Variants in LRFN5 observed in about 807,000 individuals in gnomAD.
LRFN5 encodes leucine-rich repeat and fibronectin type-III domain-containing protein 5.
In LRFN5, 24 loss-of-function variants were observed where a neutral mutation model predicts 45.6. That is an observed-to-expected ratio of 0.53 (90% CI 0.38 to 0.74). The LOEUF (loss-of-function observed/expected upper bound fraction) is 0.74, where lower values mean the gene tolerates loss of function less well. LRFN5 is among the 30% of genes least tolerant of loss of function. The probability of loss-of-function intolerance (pLI) is 0.00; values close to 1 mark genes in which losing one functional copy is unlikely to be tolerated. For synonymous variants in LRFN5, 340 were observed against 313.8 expected (o/e 1.08, Z -0.88); for missense variants, 776 against 861.5 (o/e 0.90, Z 1.24).
At position 41,611,697 on chromosome 14, in the gene LRFN5, G is replaced by A. The variant is rs151260183; in HGVS notation, c.-197+3135G>A. ...ACCAGCCTTCTGTTCTTTCACATACGTCTCTCCTTCCCTCATAGATCTAAT... is the reference window on the plus strand; with the variant it reads ...ACCAGCCTTCTGTTCTTTCACATACATCTCTCCTTCCCTCATAGATCTAAT... On this transcript the variant is annotated intron_variant, in intron 1 of 5. Transcript: ENST00000298119. Among the ~76,000 whole-genome samples, 296 of 151,458 alleles carry A rather than the reference G, an allele frequency of 2.0e-3. 1 individual carries two copies. Among genetic ancestry groups the A allele is most frequent in the African/African-American group, 6.5e-3 (267 of 40,878 alleles).
chr14:41,849,743 G>C (rs1889200652), intron 2 of LRFN5, among the ~76,000 whole-genome samples: 1 of 151,902 alleles, frequency 6.6e-6, no homozygotes, highest in Admixed American at 6.6e-5. Flanking sequence ...GGCTCAAAGG[G>C]AAGTAATGTT....
At position 41,823,619 on chromosome 14, in the gene LRFN5, T is replaced by G. The variant is rs540736952; in HGVS notation, c.-21+56590T>G. Reference sequence around the variant, plus strand: ...TTAGAAAGCCTGATGACTATGTGCCTTGGTGAAGTTTGTCTTGCAATGTAT... The same window carrying G: ...TTAGAAAGCCTGATGACTATGTGCCGTGGTGAAGTTTGTCTTGCAATGTAT... On this transcript the variant is annotated intron_variant, in intron 2 of 5. Transcript: ENST00000298119. 2.0e-5 allele frequency among the ~76,000 whole-genome samples: 3 copies of G among 152,246 alleles called. No homozygotes were observed. In the South Asian group the frequency reaches 6.2e-4, roughly 32 times the overall value.
At chr14:41,661,445 G>T (rs1880649537) in intron 1 of LRFN5, among the ~76,000 whole-genome samples, 1 of 151,942 alleles carries the variant, frequency 6.6e-6, no homozygotes, top group Non-Finnish European at 1.5e-5. Context: ...GAATGTAAGT[G>T]GTTCAAGGCC....
At chr14:41,813,637 G>C (rs1887814534) in intron 2 of LRFN5, among the ~76,000 whole-genome samples, 1 of 152,062 alleles carries the variant, frequency 6.6e-6, no homozygotes, top group Non-Finnish European at 1.5e-5. Context: ...ATTGTGAATA[G>C]TGCCACAATA....
At chr14:41,701,873 C>G (rs1417684235) in intron 1 of LRFN5, among the ~76,000 whole-genome samples, 1 of 152,118 alleles carries the variant, frequency 6.6e-6, no homozygotes, top group Non-Finnish European at 1.5e-5. Flanking sequence ...ACCTAGAAGC[C>G]TTTCAGAAAA....
At chr14:41,657,675 G>A (rs1880443506) in intron 1 of LRFN5, among the ~76,000 whole-genome samples, 1 of 151,908 alleles carries the variant, frequency 6.6e-6, no homozygotes, top group Non-Finnish European at 1.5e-5. Context: ...AGACACCTTT[G>A]TGATGATATA....
intron 1 of LRFN5, among the ~76,000 whole-genome samples, chr14:41,712,529 T>G (rs2138749855): frequency 6.6e-6 from 1 of 152,316 alleles, no homozygotes; most frequent in East Asian, 1.9e-4. Flanking sequence ...GATAATAGGT[T>G]TTGTTATATA....
At chr14:41,833,636 T>A (rs759388169) in intron 2 of LRFN5, among the ~76,000 whole-genome samples, 2 of 152,252 alleles carry the variant, frequency 1.3e-5, no homozygotes, top group Non-Finnish European at 2.9e-5. Flanking sequence ...TATTCATATT[T>A]GTGCAAAGAA....
In LRFN5 at chr14:41,606,925, C is replaced by T. The variant is rs1161262333; in HGVS notation, c.-1834C>T. Among the ~76,000 whole-genome samples, 1 of 151,956 alleles carries T rather than the reference C, an allele frequency of 6.6e-6. No homozygotes were observed. Among genetic ancestry groups the T allele is most frequent in the East Asian group, 1.9e-4 (1 of 5,154 alleles). On this transcript the variant is annotated 5_prime_UTR_variant, in exon 1 of 6. Transcript: ENST00000298119. ...CAGCGCAGGGCTCAGTTCCACGCGGCCAGGAGGCCGCCGTTGCCCACACGC... is the reference window on the plus strand; with the variant it reads ...CAGCGCAGGGCTCAGTTCCACGCGGTCAGGAGGCCGCCGTTGCCCACACGC...
At chr14:41,735,834 T>G (rs1594658757) in intron 1 of LRFN5, among the ~76,000 whole-genome samples, 1 of 152,028 alleles carries the variant, frequency 6.6e-6, no homozygotes, top group Non-Finnish European at 1.5e-5. Context: ...CAATTCCCAC[T>G]TATGAGTGAG....
At chr14:41,648,100 C>T (rs1879906723) in intron 1 of LRFN5, among the ~76,000 whole-genome samples, 1 of 152,086 alleles carries the variant, frequency 6.6e-6, no homozygotes, top group Admixed American at 6.6e-5. Flanking sequence ...ATACAAGCGC[C>T]ATCAGCATTT....
At chr14:41,641,259 A>G (rs964972442) in intron 1 of LRFN5, among the ~76,000 whole-genome samples, 3 of 152,088 alleles carry the variant, frequency 2.0e-5, no homozygotes, top group Non-Finnish European at 4.4e-5. Flanking sequence ...TAAAATATTA[A>G]CTATAAATTC....
In LRFN5 at chr14:41,667,507, A is replaced by T. The variant is rs145294725; in HGVS notation, c.-197+58945A>T. On this transcript the variant is annotated intron_variant, in intron 1 of 5. Transcript: ENST00000298119. ...ATGTGGTTAGTGGCTAACATGCTGG[A>T]CAGGGAAATGTGTAGCTCTAGTGCT... 9.3e-3 allele frequency among the ~76,000 whole-genome samples: 1,415 copies of T among 152,302 alleles called. 6 individuals carry two copies. The highest frequency in any genetic ancestry group is 0.02 in the East Asian group (103 of 5,184).
At chr14:41,768,499 G>A (rs1262932803) in intron 2 of LRFN5, among the ~76,000 whole-genome samples, 1 of 151,888 alleles carries the variant, frequency 6.6e-6, no homozygotes, top group African/African-American at 2.4e-5. Flanking sequence ...TTTATTTTAG[G>A]AATTGCTTTT....
chr14:41,751,936 C>A (rs1885152564), intron 1 of LRFN5, among the ~76,000 whole-genome samples: 1 of 151,986 alleles, frequency 6.6e-6, no homozygotes, highest in Non-Finnish European at 1.5e-5. Context: ...CACAACAGGC[C>A]CCGGTGTGTG....
intron 4 of LRFN5, among the ~76,000 whole-genome samples, chr14:41,895,695 A>C (rs897865252): frequency 1.3e-5 from 2 of 151,914 alleles, no homozygotes; most frequent in Admixed American, 6.6e-5. Context: ...ACTGTGGCCA[A>C]TTTATTTCCC....
At chr14:41,836,749 CCTAAACAGGTT>C (rs113878722) in intron 2 of LRFN5, among the ~76,000 whole-genome samples, 5 of 152,088 alleles carry the variant, frequency 3.3e-5, no homozygotes, top group African/African-American at 1.2e-4. Context: ...TATGACTGCA[CCTAAACAGGTT>C]CATTCAGAGA....
At chr14:41,752,207 T>C (rs996725067) in intron 1 of LRFN5, among the ~76,000 whole-genome samples, 41 of 152,144 alleles carry the variant, frequency 2.7e-4, no homozygotes, top group African/African-American at 8.7e-4. Context: ...CTATTTTGAG[T>C]AGTGCCACAA....
chr14:41,895,218 G>T (rs1890899620), intron 4 of LRFN5, among the ~76,000 whole-genome samples: 1 of 152,108 alleles, frequency 6.6e-6, no homozygotes, highest in Non-Finnish European at 1.5e-5. Flanking sequence ...GGATAATGAA[G>T]CATCTAACGT....
Sources: gnomAD v4.1 joint callset for allele counts (sites outside exome capture counted in the v4.1 genomes callset) on GRCh38, gnomAD v4.1.1 for gene constraint, MANE v1.5 for transcripts, NCBI Gene and HGNC (gene_info 2026-07-23, HGNC 2026-07-21) for gene names.